Variants in HOOK3 observed in about 807,000 individuals in gnomAD.
The protein encoded by HOOK3 is protein Hook homolog 3.
A neutral mutation model predicts 116.3 loss-of-function variants in HOOK3; 24 were observed. The observed-to-expected ratio is 0.21, with a 90% CI of 0.15 to 0.29. The LOEUF (loss-of-function observed/expected upper bound fraction) is 0.29, where lower values mean the gene tolerates loss of function less well. HOOK3 is among the 10% of genes least tolerant of loss of function. The probability of loss-of-function intolerance (pLI) is 1.00; values close to 1 mark genes in which losing one functional copy is unlikely to be tolerated. For missense variants in HOOK3, 632 were observed against 830.2 expected (o/e 0.76, Z 2.93); for synonymous variants, 275 against 283.0 (o/e 0.97, Z 0.28).
At chr8:43,006,328 T>G (rs1337410275) in intron 17 of HOOK3, among the ~76,000 whole-genome samples, 2 of 135,902 alleles carry the variant, frequency 1.5e-5, no homozygotes, top group Admixed American at 1.5e-4. Flanking sequence ...CCTATTTATT[T>G]TTTTGAGACG....
chr8:42,964,601 C>A, intron 9 of HOOK3, 127 bp downstream of exon 9: 1 of 754,570 alleles, frequency 1.3e-6, no homozygotes. Flanking sequence ...CTGAGGCGGG[C>A]TGATCACTTG....
chr8:43,009,145 T>C (rs1809553996), intron 18 of HOOK3, among the ~76,000 whole-genome samples: 1 of 151,812 alleles, frequency 6.6e-6, no homozygotes, highest in Non-Finnish European at 1.5e-5. Flanking sequence ...CTCACTCCTG[T>C]AATCCTAGCA....
In HOOK3 at chr8:42,956,585, G is replaced by T. The variant is rs551461757; in HGVS notation, c.469-509G>T. On this transcript the variant is annotated intron_variant, in intron 6 of 21. Transcript: ENST00000307602. ...TTATTTATTTGTTTATTTTAATTTT[G>T]TTTTTTGTTTTTTGTTTTGAGAGGA... Among the ~76,000 whole-genome samples, 325 of 151,548 alleles carry T rather than the reference G, an allele frequency of 2.1e-3. 3 individuals are homozygous for T. Among genetic ancestry groups the T allele is most frequent in the South Asian group, 0.011 (53 of 4,782 alleles).
Position 43,026,269 on chromosome 8 carries a change from GT to G in HOOK3, c.*7772del, listed in dbSNP as rs1352245037. On this transcript the variant is annotated 3_prime_UTR_variant, in exon 22 of 22. Transcript: ENST00000307602. ...ATTTTATTTAGTGTCTTAATATATA[GT>G]CTTTATATAGTATCTTAATATTATT... 5.1e-6 allele frequency: 1 copy of G among 195,908 alleles called. No individual in the cohort carries two copies. The highest frequency in any genetic ancestry group is 2.3e-5 in the African/African-American group (1 of 43,238). The allele number at this position is 195,908 out of a possible 1,614,324, so 12.1% of individuals were successfully genotyped here.
At chr8:42,897,292 T>A in intron 1 of HOOK3, 104 bp downstream of exon 1, 3 of 660,838 alleles carry the variant, frequency 4.5e-6, no homozygotes, top group Non-Finnish European at 6.3e-6. Flanking sequence ...GACGGTGCCG[T>A]CACATCCGGG....
chr8:42,952,314 CA>C (rs1808358811), intron 6 of HOOK3, among the ~76,000 whole-genome samples: 1 of 152,086 alleles, frequency 6.6e-6, no homozygotes, highest in Admixed American at 6.6e-5. Flanking sequence ...TCTGTTAAAC[CA>C]AAAAATGCAT....
At chr8:43,007,991 T>C (rs890158162) in intron 18 of HOOK3, 62 bp downstream of exon 18, 3 of 691,974 alleles carry the variant, frequency 4.3e-6, no homozygotes, top group Non-Finnish European at 7.2e-6. Context: ...ATAGTGATAG[T>C]GAGTTTACAT....
Position 42,906,268 on chromosome 8 carries a change from A to C in HOOK3, c.143+10A>C, listed in dbSNP as rs1213080236. On this transcript the variant is annotated intron_variant, in intron 2 of 21. Coordinates refer to ENST00000307602, the MANE Select transcript of HOOK3 (RefSeq NM_032410.4). Reference sequence around the variant, plus strand: ...AGGTTCTTCAAAAGATGTAAGAATAAATTGCTTATCTTTATGTGTATTCTT... The same window carrying C: ...AGGTTCTTCAAAAGATGTAAGAATACATTGCTTATCTTTATGTGTATTCTT... The C allele has an allele frequency of 1.3e-6, 2 of 1,572,112 alleles. No homozygotes were observed. The highest frequency in any genetic ancestry group is 1.7e-6 in the Non-Finnish European group (2 of 1,143,532).
intron 5 of HOOK3, 77 bp from the exon 6 acceptor site, chr8:42,950,311 T>A: frequency 1.1e-6 from 1 of 915,718 alleles, no homozygotes; most frequent in Non-Finnish European, 1.8e-6. Flanking sequence ...CTTATAAGAA[T>A]TTATGAAGTA....
chr8:42,986,841 T>C (rs1586622892), intron 15 of HOOK3, 46 bp downstream of exon 15: 8 of 1,588,406 alleles, frequency 5.0e-6, no homozygotes, highest in African/African-American at 1.4e-5. Context: ...TTTTCCCTAT[T>C]TGCCTTGATT....
At chr8:42,903,079 A>G (rs1807222263) in intron 1 of HOOK3, among the ~76,000 whole-genome samples, 1 of 152,242 alleles carries the variant, frequency 6.6e-6, no homozygotes, top group South Asian at 2.1e-4. Flanking sequence ...ATTCAAAATC[A>G]GTTCCCGCAG....
intron 2 of HOOK3, among the ~76,000 whole-genome samples, chr8:42,914,819 T>A (rs957539562): frequency 2.0e-5 from 3 of 152,322 alleles, no homozygotes; most frequent in Admixed American, 6.5e-5. Context: ...TTCTTTTATC[T>A]TTAAAAATAT....
At chr8:43,002,911 T>C (rs577033545) in intron 17 of HOOK3, among the ~76,000 whole-genome samples, 4 of 152,236 alleles carry the variant, frequency 2.6e-5, no homozygotes, top group Admixed American at 6.5e-5. Context: ...AAATATTTCC[T>C]GGAATTACAA....
chr8:43,008,042 A>G (rs1809526053), intron 18 of HOOK3, 113 bp downstream of exon 18: 1 of 441,024 alleles, frequency 2.3e-6, no homozygotes, highest in Non-Finnish European at 3.7e-6. Context: ...TTTTTTTGAG[A>G]TGAAGTCTCA....
intron 7 of HOOK3, among the ~76,000 whole-genome samples, chr8:42,958,460 G>C (rs557111755): frequency 3.3e-5 from 5 of 152,052 alleles, no homozygotes; most frequent in African/African-American, 1.2e-4. Flanking sequence ...TTTATGTTGA[G>C]AGTAAACAAA....
In HOOK3 at chr8:43,021,591, G is replaced by A. The variant is rs1283614373; in HGVS notation, c.*3093G>A. 3 of 179,506 alleles carry A rather than the reference G, an allele frequency of 1.7e-5. No homozygotes were observed. Among genetic ancestry groups the A allele is most frequent in the Admixed American group, 6.3e-5 (1 of 15,836 alleles). The allele number at this position is 179,506 out of a possible 1,614,324, so 11.1% of individuals were successfully genotyped here. Reference sequence around the variant, plus strand: ...GCTGAGATTACAGGCACGAGCCACCGCGCCCAGTCGTACTTCTGACTTTTC... The same window carrying A: ...GCTGAGATTACAGGCACGAGCCACCACGCCCAGTCGTACTTCTGACTTTTC... On this transcript the variant is annotated 3_prime_UTR_variant, in exon 22 of 22. Transcript: ENST00000307602.
At chr8:42,897,321 G>C in intron 1 of HOOK3, 133 bp downstream of exon 1, 1 of 514,168 alleles carries the variant, frequency 1.9e-6, no homozygotes, top group Admixed American at 4.4e-5. Flanking sequence ...CGGGCGGGGC[G>C]AGGAGGCTCG....
At chr8:42,983,210 T>C (rs1360447899) in intron 14 of HOOK3, among the ~76,000 whole-genome samples, 2 of 151,756 alleles carry the variant, frequency 1.3e-5, no homozygotes, top group African/African-American at 4.8e-5. Context: ...GGCGGGTGCC[T>C]GTAGTCCCAG....
chr8:42,943,425 T>C lies in HOOK3; in HGVS notation c.380T>C (p.Val127Ala). 1 of 1,493,148 alleles carries C rather than the reference T, an allele frequency of 6.7e-7. No homozygotes were observed. The highest frequency in any genetic ancestry group is 8.9e-7 in the Non-Finnish European group (1 of 1,117,414). The allele number at this position is 1,493,148 out of a possible 1,614,324, so 92.5% of individuals were successfully genotyped here. Residue 127 changes from valine (V) to alanine (A), a missense_variant, in exon 5 of 22, where the codon GTG becomes GCG. Transcript: ENST00000307602. ...CTTCAGCTCATCTTAGGCTGTGCTG[T>C]GAACTGTGAACAGAAGCAAGGTAAT... ...RMLQLILGCA[V>A]NCEQKQEYIQ...
Sources: allele counts gnomAD v4.1 joint callset (sites outside exome capture counted in the v4.1 genomes callset), GRCh38; gene constraint gnomAD v4.1.1; transcripts MANE v1.5; gene names NCBI Gene and HGNC (gene_info 2026-07-23, HGNC 2026-07-21).